Variants in CPNE8 observed in about 807,000 individuals in gnomAD.
CPNE8 encodes the protein copine-8.
In CPNE8, 45 loss-of-function variants were observed where a neutral mutation model predicts 81.5. That is an observed-to-expected ratio of 0.55 (90% CI 0.44 to 0.71). CPNE8 has a LOEUF of 0.71. CPNE8 is among the 30% of genes least tolerant of loss of function. The pLI is 0.00. For synonymous variants in CPNE8, 252 were observed against 226.3 expected (o/e 1.11, Z -1.02); for missense variants, 594 against 672.1 (o/e 0.88, Z 1.28).
chr12:38,748,868 G>T (rs546988804), intron 10 of CPNE8, among the ~76,000 whole-genome samples: 21 of 151,910 alleles, frequency 1.4e-4, no homozygotes, highest in Non-Finnish European at 3.1e-4. Flanking sequence ...AAACAGCATT[G>T]GGTAATATAT....
intron 6 of CPNE8, among the ~76,000 whole-genome samples, chr12:38,805,492 C>T (rs1276257633): frequency 2.9e-4 from 29 of 100,748 alleles, no homozygotes; most frequent in Non-Finnish European, 5.7e-4. Context: ...AGGGGAATAT[C>T]ACACTCTGGG....
At chr12:38,665,141 A>T (rs753829538) in intron 19 of CPNE8, among the ~76,000 whole-genome samples, 3 of 152,098 alleles carry the variant, frequency 2.0e-5, no homozygotes, top group Non-Finnish European at 4.4e-5. Flanking sequence ...AAGATTGCTC[A>T]TATCCTTTTA....
intron 6 of CPNE8, among the ~76,000 whole-genome samples, chr12:38,777,999 T>C (rs184336301): frequency 1.7e-3 from 257 of 152,314 alleles, no homozygotes; most frequent in African/African-American, 6.0e-3. Context: ...TAATGCCTGA[T>C]GATCTGTCAT....
chr12:38,774,103 G>A (rs1592076883), intron 7 of CPNE8, among the ~76,000 whole-genome samples: 1 of 151,992 alleles, frequency 6.6e-6, no homozygotes, highest in Non-Finnish European at 1.5e-5. Flanking sequence ...ATTTACTAAG[G>A]CCTGGTAAAA....
rs376842680 is a variant in CPNE8 at position 38,844,720 on chromosome 12, C to T, written c.290+3839G>A. Among the ~76,000 whole-genome samples the T allele has an allele frequency of 8.6e-4, 131 of 152,162 alleles. No individual in the cohort carries two copies. The East Asian group carries it at 9.1e-3, about 11-fold the overall frequency. ...TTTCTCTCTCTTTTTCTCTCACTGT[C>T]GTTACAATTATTTCAGCACTGAAAT... On this transcript the variant is annotated intron_variant, in intron 4 of 19. Coordinates refer to ENST00000331366, the MANE Select transcript of CPNE8 (RefSeq NM_153634.3).
At chr12:38,691,991 G>A (rs564168531) in intron 15 of CPNE8, among the ~76,000 whole-genome samples, 160 of 152,104 alleles carry the variant, frequency 1.1e-3, no homozygotes, top group Non-Finnish European at 1.4e-3. Flanking sequence ...GTTTTAATTG[G>A]GCTCAAAGAA....
intron 7 of CPNE8, among the ~76,000 whole-genome samples, chr12:38,768,787 G>A (rs761824262): frequency 1.9e-4 from 29 of 151,938 alleles, no homozygotes; most frequent in Non-Finnish European, 3.4e-4. Context: ...TCAGCCTCCC[G>A]AAGAGCTGGG....
At chr12:38,853,895 A>G (rs1943685777) in intron 3 of CPNE8, among the ~76,000 whole-genome samples, 1 of 152,104 alleles carries the variant, frequency 6.6e-6, no homozygotes. Flanking sequence ...AATGTTCAGA[A>G]AGTTTTAATA....
At chr12:38,714,922 C>T (rs1213285661) in intron 13 of CPNE8, among the ~76,000 whole-genome samples, 3 of 151,870 alleles carry the variant, frequency 2.0e-5, no homozygotes, top group Non-Finnish European at 2.9e-5. Flanking sequence ...ACGAACCAGG[C>T]CTAAAAATAA....
At chr12:38,710,671 T>C (rs1940233783) in intron 13 of CPNE8, among the ~76,000 whole-genome samples, 1 of 152,208 alleles carries the variant, frequency 6.6e-6, no homozygotes, top group African/African-American at 2.4e-5. Flanking sequence ...GAGAGTTCTT[T>C]CTTTATATTA....
chr12:38,736,994 T>C (rs1240466539), intron 10 of CPNE8, among the ~76,000 whole-genome samples: 6 of 152,076 alleles, frequency 3.9e-5, no homozygotes, highest in Non-Finnish European at 5.9e-5. Context: ...TGTCTCTGTA[T>C]GTGATTGAAT....
chr12:38,672,984 T>C (rs1565562196), intron 18 of CPNE8, among the ~76,000 whole-genome samples: 1 of 152,174 alleles, frequency 6.6e-6, no homozygotes, highest in Admixed American at 6.5e-5. Context: ...CCAAATCTCA[T>C]CTAAAATTGT....
At chr12:38,885,176 G>A (rs951228261) in intron 1 of CPNE8, among the ~76,000 whole-genome samples, 1 of 151,958 alleles carries the variant, frequency 6.6e-6, no homozygotes, top group African/African-American at 2.4e-5. Context: ...CTTATATACA[G>A]AAAATGATAT....
intron 13 of CPNE8, among the ~76,000 whole-genome samples, chr12:38,721,589 T>C (rs1044823425): frequency 1.3e-5 from 2 of 152,172 alleles, no homozygotes; most frequent in Non-Finnish European, 2.9e-5. Context: ...GGAGAAGAAC[T>C]TGGGACCTGC....
intron 5 of CPNE8, 41 bp downstream of exon 5, chr12:38,839,875 T>C (rs373652740): frequency 6.1e-6 from 9 of 1,487,310 alleles, no homozygotes; most frequent in Non-Finnish European, 7.3e-6. Flanking sequence ...GTACTAATCA[T>C]TGTATTATAA....
intron 16 of CPNE8, among the ~76,000 whole-genome samples, chr12:38,684,412 G>C (rs1939485470): frequency 6.6e-6 from 1 of 152,026 alleles, no homozygotes; most frequent in Non-Finnish European, 1.5e-5. Flanking sequence ...TGTATGTACA[G>C]GGTTAATATA....
intron 10 of CPNE8, among the ~76,000 whole-genome samples, chr12:38,731,948 T>C (rs1940841367): frequency 6.6e-6 from 1 of 151,806 alleles, no homozygotes; most frequent in African/African-American, 2.4e-5. Flanking sequence ...TTTTTTAGAA[T>C]CCATCCTCCT....
intron 13 of CPNE8, among the ~76,000 whole-genome samples, chr12:38,722,486 C>A (rs1311050253): frequency 6.6e-6 from 1 of 152,132 alleles, no homozygotes; most frequent in Non-Finnish European, 1.5e-5. Context: ...CCCTTGGTCC[C>A]CCCACTCCCT....
chr12:38,742,598 C>A (rs1050305041), intron 10 of CPNE8, among the ~76,000 whole-genome samples: 7 of 151,488 alleles, frequency 4.6e-5, no homozygotes, highest in African/African-American at 1.7e-4. Context: ...TTAATTTGTG[C>A]AGCACACCAA....
Sources: gnomAD v4.1 joint callset for allele counts (sites outside exome capture counted in the v4.1 genomes callset) on GRCh38, gnomAD v4.1.1 for gene constraint, MANE v1.5 for transcripts, NCBI Gene and HGNC (gene_info 2026-07-23, HGNC 2026-07-21) for gene names.